The following KLHL1 variants were observed in gnomAD, a reference collection of about 807,000 sequenced individuals.
KLHL1 encodes the protein kelch-like protein 1.
KLHL1 carries 47 observed loss-of-function variants against 77.7 expected under a neutral mutation model. The ratio of observed to expected loss-of-function variants is 0.60; its 90% CI spans 0.48 to 0.77. The LOEUF is 0.77. Among genes scored for constraint, KLHL1 ranks in the 30% least tolerant of loss-of-function variants. The pLI, the probability that KLHL1 is intolerant of heterozygous loss-of-function variation, is 0.00. For missense variants in KLHL1, 925 were observed against 910.8 expected (o/e 1.02, Z -0.20); for synonymous variants, 360 against 325.2 (o/e 1.11, Z -1.15).
intron 6 of KLHL1, among the ~76,000 whole-genome samples, chr13:69,809,293 G>T (rs1283325925): frequency 6.6e-6 from 1 of 152,110 alleles, no homozygotes; most frequent in Non-Finnish European, 1.5e-5. Flanking sequence ...AAAAAATATT[G>T]AAGGCAACTA....
intron 4 of KLHL1, among the ~76,000 whole-genome samples, chr13:69,925,713 A>G (rs1882793971): frequency 6.6e-6 from 1 of 152,134 alleles, no homozygotes; most frequent in South Asian, 2.1e-4. Flanking sequence ...CTTATATGAC[A>G]TTAACTGGTT....
intron 7 of KLHL1, among the ~76,000 whole-genome samples, chr13:69,765,726 G>T (rs929337411): frequency 1.3e-5 from 2 of 152,140 alleles, no homozygotes; most frequent in Admixed American, 1.3e-4. Flanking sequence ...CAGAGCAGAG[G>T]TATACTTTGG....
At chr13:69,766,313 C>G (rs1208404050) in intron 7 of KLHL1, among the ~76,000 whole-genome samples, 1 of 151,956 alleles carries the variant, frequency 6.6e-6, no homozygotes, top group African/African-American at 2.4e-5. Context: ...TATACATTAG[C>G]TGTTTCAAAT....
intron 1 of KLHL1, among the ~76,000 whole-genome samples, chr13:70,049,024 T>C (rs934227671): frequency 1.3e-5 from 2 of 152,246 alleles, no homozygotes; most frequent in Admixed American, 6.5e-5. Flanking sequence ...AATTCATTTG[T>C]GATAGCTTAG....
chr13:69,929,398 A>G (rs1354728866), intron 4 of KLHL1, among the ~76,000 whole-genome samples: 2 of 151,994 alleles, frequency 1.3e-5, no homozygotes, highest in Non-Finnish European at 2.9e-5. Flanking sequence ...TAAAAATAAG[A>G]CTGTTGGTCT....
chr13:69,763,410 T>C (rs913072193), intron 7 of KLHL1, among the ~76,000 whole-genome samples: 2 of 152,218 alleles, frequency 1.3e-5, no homozygotes, highest in African/African-American at 4.8e-5. Flanking sequence ...CTCTAAACTC[T>C]CGATATTATC....
At chr13:69,763,278 A>C (rs1423920582) in intron 7 of KLHL1, among the ~76,000 whole-genome samples, 2 of 152,160 alleles carry the variant, frequency 1.3e-5, no homozygotes, top group Non-Finnish European at 2.9e-5. Flanking sequence ...ATGGATGACT[A>C]GTTTGGGTAT....
intron 6 of KLHL1, among the ~76,000 whole-genome samples, chr13:69,812,090 C>T (rs1392906281): frequency 6.6e-6 from 1 of 152,086 alleles, no homozygotes; most frequent in Non-Finnish European, 1.5e-5. Flanking sequence ...CCCAGAGATT[C>T]TGGTATGTTG....
intron 6 of KLHL1, among the ~76,000 whole-genome samples, chr13:69,830,551 G>A (rs1294599366): frequency 2.0e-5 from 3 of 150,104 alleles, no homozygotes; most frequent in African/African-American, 7.5e-5. Flanking sequence ...AAGACAGAAA[G>A]TCAACAAAGA....
intron 1 of KLHL1, among the ~76,000 whole-genome samples, chr13:70,013,096 G>A (rs550906718): frequency 6.6e-6 from 1 of 151,954 alleles, no homozygotes; most frequent in African/African-American, 2.4e-5. Context: ...AAAATATCGG[G>A]GAATGATGGC....
At chr13:70,018,058 AAGTTG>A (rs1885702965) in intron 1 of KLHL1, among the ~76,000 whole-genome samples, 1 of 151,982 alleles carries the variant, frequency 6.6e-6, no homozygotes, top group African/African-American at 2.4e-5. Context: ...GCGCAAAAAA[AAGTTG>A]AAAATTTATC....
At chr13:69,718,620 T>C (rs966490133) in intron 9 of KLHL1, among the ~76,000 whole-genome samples, 4 of 152,110 alleles carry the variant, frequency 2.6e-5, no homozygotes, top group Non-Finnish European at 4.4e-5. Flanking sequence ...TAATAGGAAA[T>C]ATTACCATGA....
chr13:69,798,017 T>A (rs1877202412), intron 6 of KLHL1, among the ~76,000 whole-genome samples: 1 of 152,174 alleles, frequency 6.6e-6, no homozygotes, highest in Non-Finnish European at 1.5e-5. Context: ...GCTAAATTAC[T>A]GGTGAGATTT....
chr13:69,930,120 A>G (rs899823697), intron 4 of KLHL1, among the ~76,000 whole-genome samples: 5 of 151,822 alleles, frequency 3.3e-5, no homozygotes, highest in Non-Finnish European at 5.9e-5. Flanking sequence ...AGAAATTTAT[A>G]GATCCTGTTG....
At chr13:69,874,873 T>C (rs1181282276) in intron 5 of KLHL1, among the ~76,000 whole-genome samples, 2 of 152,100 alleles carry the variant, frequency 1.3e-5, no homozygotes, top group East Asian at 1.9e-4. Flanking sequence ...GATAGGGATA[T>C]TAAGGTTTTA....
At chr13:69,870,796 A>G (rs974679580) in intron 5 of KLHL1, among the ~76,000 whole-genome samples, 104 of 152,046 alleles carry the variant, frequency 6.8e-4, no homozygotes, top group African/African-American at 2.3e-3. Context: ...CTCCAAAATC[A>G]TCTCCTGTAA....
intron 1 of KLHL1, among the ~76,000 whole-genome samples, chr13:69,978,231 T>C (rs948973463): frequency 6.6e-6 from 1 of 151,942 alleles, no homozygotes; most frequent in Non-Finnish European, 1.5e-5. Context: ...ATGAACATAC[T>C]ATTGACTCTC....
At chr13:69,722,260 G>T (rs1012517371) in intron 8 of KLHL1, among the ~76,000 whole-genome samples, 114 of 151,884 alleles carry the variant, frequency 7.5e-4, no homozygotes, top group African/African-American at 2.6e-3. Flanking sequence ...ACCAAATATT[G>T]TTGATAATTA....
intron 5 of KLHL1, among the ~76,000 whole-genome samples, chr13:69,844,428 C>G (rs1480369365): frequency 6.6e-6 from 1 of 151,594 alleles, no homozygotes; most frequent in Non-Finnish European, 1.5e-5. Context: ...ACCACTGTAA[C>G]CTATTGTTGT....
Sources: gnomAD v4.1 joint callset for allele counts (sites outside exome capture counted in the v4.1 genomes callset) on GRCh38, gnomAD v4.1.1 for gene constraint, MANE v1.5 for transcripts, NCBI Gene and HGNC (gene_info 2026-07-23, HGNC 2026-07-21) for gene names.